Variants in PLCG2 observed in about 807,000 individuals in gnomAD.
PLCG2 encodes phospholipase C gamma 2, also known as 1-phosphatidylinositol 4,5-bisphosphate phosphodiesterase gamma-2.
Under a neutral mutation model 175.6 loss-of-function variants are expected in PLCG2, and 69 were observed. The observed-to-expected ratio is 0.39, with a 90% CI of 0.32 to 0.48. PLCG2 has a LOEUF of 0.48. Among genes scored for constraint, PLCG2 ranks in the 20% least tolerant of loss-of-function variants. PLCG2 has a pLI of 0.91. For synonymous variants in PLCG2, 827 were observed against 624.0 expected, an observed-to-expected ratio of 1.33 and a Z score of -4.85; for missense variants, 1,798 against 1,650.9, an observed-to-expected ratio of 1.09 and a Z score of -1.54.
chr16:81,932,006 G>A (rs1910522395), intron 25 of PLCG2, among the ~76,000 whole-genome samples: 1 of 152,194 alleles, frequency 6.6e-6, no homozygotes, highest in African/African-American at 2.4e-5. Flanking sequence ...ATATAAAGCA[G>A]TCTGGATCCT....
Position 81,803,557 on chromosome 16 carries a change from C to CATT in PLCG2, c.193+17375_193+17376insATT, listed in dbSNP as rs1383351116. Among the ~76,000 whole-genome samples, 3 of 65,872 alleles carry CATT rather than the reference C, an allele frequency of 4.6e-5. No individual in the cohort carries two copies. The Admixed American group carries it at 5.7e-4, about 12-fold the overall frequency. The allele number at this position is 65,872 out of a possible 152,430, so 43.2% of individuals were successfully genotyped here. A position where few individuals can be genotyped will look rare whatever the true frequency, so the allele number is the denominator to read the frequency against. On this transcript the variant is annotated intron_variant, in intron 2 of 32. Coordinates refer to ENST00000564138, the MANE Select transcript of PLCG2 (RefSeq NM_002661.5). ...TTTCTTTTCTTTCTTTCCTTTCTTTCCTTCCTTTCCTTTCCTTTCCTTTCC... is the reference window on the plus strand; with the variant it reads ...TTTCTTTTCTTTCTTTCCTTTCTTTCATTCTTCCTTTCCTTTCCTTTCCTTTCC...
In PLCG2 at chr16:81,948,703, C is replaced by G. The variant is rs116028696; in HGVS notation, c.3570+2440C>G. On this transcript the variant is annotated intron_variant, in intron 31 of 32. Coordinates refer to ENST00000564138, the MANE Select transcript of PLCG2 (RefSeq NM_002661.5). ...TTACACCTGGGGAGACCTGGAGGGA[C>G]ACAAAGGCCCTCCTTATGCCTCATC... Among the ~76,000 whole-genome samples, 944 of 152,266 alleles carry G rather than the reference C, an allele frequency of 6.2e-3. 13 individuals carry two copies. Among genetic ancestry groups the G allele is most frequent in the African/African-American group, 0.022 (919 of 41,544 alleles).
chr16:81,919,660 A>G lies in PLCG2; in HGVS notation c.2231A>G (p.Asn744Ser), dbSNP rs762848692. 62 of 1,612,264 alleles carry G rather than the reference A, an allele frequency of 3.8e-5. No homozygotes were observed. Among genetic ancestry groups the G allele is most frequent in the South Asian group, 4.4e-5 (4 of 91,048 alleles). Residue 744 changes from asparagine to serine, a missense_variant, in exon 20 of 33, where the codon AAT becomes AGT. By Grantham distance (46) the Asn-to-Ser change is conservative (BLOSUM62 1). Transcript: ENST00000564138. ...PVTPELLERY[N>S]MERDINSLYD... The stretch of plus-strand genomic sequence containing the variant: ...ACCCCCGAGCTCCTGGAGCGCTACA[A>G]TATGGTAGGTGGTGGACTCCCTTGT...
chr16:81,801,990 T>C (rs1911741106), intron 2 of PLCG2, among the ~76,000 whole-genome samples: 2 of 151,716 alleles, frequency 1.3e-5, no homozygotes, highest in Admixed American at 6.6e-5. Flanking sequence ...CAACATTTCA[T>C]TTTGAAATGG....
At chr16:81,932,790 C>T (rs570085235) in intron 25 of PLCG2, among the ~76,000 whole-genome samples, 1 of 152,310 alleles carries the variant, frequency 6.6e-6, no homozygotes, top group African/African-American at 2.4e-5. Context: ...CTCCTGGGGG[C>T]CTTCCCTAGG....
At chr16:81,817,567 A>C (rs1316765403) in intron 2 of PLCG2, among the ~76,000 whole-genome samples, 4 of 152,204 alleles carry the variant, frequency 2.6e-5, no homozygotes, top group African/African-American at 9.7e-5. Flanking sequence ...AGAGCCCTCA[A>C]ACTGCACCTG....
chr16:81,944,001 A>C (rs868857068), intron 30 of PLCG2, among the ~76,000 whole-genome samples: 1 of 152,240 alleles, frequency 6.6e-6, no homozygotes, highest in Non-Finnish European at 1.5e-5. Flanking sequence ...AAAGAGGACA[A>C]ATTTAGCCAA....
At chr16:81,790,642 T>G (rs1341662340) in intron 2 of PLCG2, among the ~76,000 whole-genome samples, 1 of 152,144 alleles carries the variant, frequency 6.6e-6, no homozygotes, top group Non-Finnish European at 1.5e-5. Flanking sequence ...GCACCTGGTT[T>G]TGGAATAGTT....
chr16:81,860,651 T>C (rs963701508), intron 5 of PLCG2, among the ~76,000 whole-genome samples: 2 of 152,148 alleles, frequency 1.3e-5, no homozygotes, highest in African/African-American at 4.8e-5. Context: ...TGAGGTATGA[T>C]TCAGCTCTTG....
At chr16:81,740,302 G>A (rs1487868951) in intron 1 of PLCG2, 1 of 152,256 alleles carries the variant, frequency 6.6e-6, no homozygotes, top group African/African-American at 2.4e-5. Context: ...TACCAACCCT[G>A]CCCTCCCCTA....
At chr16:81,930,603 C>G (rs1023705085) in intron 24 of PLCG2, among the ~76,000 whole-genome samples, 2 of 151,830 alleles carry the variant, frequency 1.3e-5, no homozygotes, top group African/African-American at 4.8e-5. Flanking sequence ...CAAAAATTAG[C>G]CAGGCTTTGT....
At chr16:81,841,439 C>G (rs1325096849) in intron 2 of PLCG2, among the ~76,000 whole-genome samples, 1 of 152,032 alleles carries the variant, frequency 6.6e-6, no homozygotes, top group Non-Finnish European at 1.5e-5. Context: ...CAGCATTTCA[C>G]TATGTTGGCC....
At chr16:81,774,534 G>A (rs1471374514), upstream of PLCG2, among the ~76,000 whole-genome samples, 6 of 152,082 alleles carry the variant, frequency 3.9e-5, no homozygotes, top group Admixed American at 6.6e-5. Context: ...TCGTCGCCAC[G>A]GATGTGTGCT....
At chr16:81,804,976 A>G (rs1911926840) in intron 2 of PLCG2, among the ~76,000 whole-genome samples, 1 of 152,200 alleles carries the variant, frequency 6.6e-6, no homozygotes, top group African/African-American at 2.4e-5. Flanking sequence ...AGTCATTACA[A>G]TCTGTCTGTG....
chr16:81,862,065 T>G (rs1907008851), intron 5 of PLCG2, among the ~76,000 whole-genome samples: 1 of 152,206 alleles, frequency 6.6e-6, no homozygotes, highest in Non-Finnish European at 1.5e-5. Context: ...TGGAGGGAGC[T>G]TTGCAAAAGA....
At chr16:81,878,148 A>G (rs988995526) in intron 7 of PLCG2, among the ~76,000 whole-genome samples, 6 of 150,890 alleles carry the variant, frequency 4.0e-5, no homozygotes, top group African/African-American at 1.5e-4. Flanking sequence ...ACGCCTGGCT[A>G]ATTTTTTGTA....
At chr16:81,855,178 G>A (rs1054872396) in intron 3 of PLCG2, among the ~76,000 whole-genome samples, 1 of 145,134 alleles carries the variant, frequency 6.9e-6, no homozygotes, top group Non-Finnish European at 1.5e-5. Context: ...GGGTGACAGA[G>A]CAAGACTCTG....
At chr16:81,861,722 G>A (rs1393931521) in intron 5 of PLCG2, among the ~76,000 whole-genome samples, 2 of 152,178 alleles carry the variant, frequency 1.3e-5, no homozygotes, top group African/African-American at 2.4e-5. Context: ...GATTGGCACA[G>A]GGCTGAGAGA....
At position 81,959,155 on chromosome 16, in the gene PLCG2, ATGAG is replaced by A. The variant is rs1296903707; in HGVS notation, c.*1161_*1164del. On this transcript the variant is annotated 3_prime_UTR_variant, in exon 33 of 33. Transcript: ENST00000564138. ...TGGTTGGTAGAGTCACAACTTCTCA[ATGAG>A]TGAATTTACAGCTGATGGGAAAAGG... 1 of 224,284 alleles carries A rather than the reference ATGAG, an allele frequency of 4.5e-6. No individual in the cohort carries two copies. Among genetic ancestry groups the A allele is most frequent in the East Asian group, 6.4e-5 (1 of 15,520 alleles). The allele number at this position is 224,284 out of a possible 1,614,324, so 13.9% of individuals were successfully genotyped here. A position where few individuals can be genotyped will look rare whatever the true frequency, so the allele number is the denominator to read the frequency against.
Sources: gnomAD v4.1 joint callset for allele counts (sites outside exome capture counted in the v4.1 genomes callset) on GRCh38, gnomAD v4.1.1 for gene constraint, MANE v1.5 for transcripts, NCBI Gene and HGNC (gene_info 2026-07-23, HGNC 2026-07-21) for gene names.